The following RNMT variants were observed in gnomAD, a reference collection of about 807,000 sequenced individuals.
The protein encoded by RNMT is mRNA cap guanine-N(7) methyltransferase.
In RNMT, 27 loss-of-function variants were observed where a neutral mutation model predicts 56.0. That is an observed-to-expected ratio of 0.48 (90% CI 0.36 to 0.67). The LOEUF (loss-of-function observed/expected upper bound fraction) is 0.67. RNMT is among the 30% of genes least tolerant of loss of function. The pLI is 0.00. For missense variants in RNMT, 519 were observed against 552.1 expected, an observed-to-expected ratio of 0.94 and a Z score of 0.60; for synonymous variants, 184 against 176.2, an observed-to-expected ratio of 1.04 and a Z score of -0.35.
At position 13,761,844 on chromosome 18, in the gene RNMT, C is replaced by CG; in HGVS notation, c.*1865_*1866insG. 1 of 1,130,720 alleles carries CG rather than the reference C, an allele frequency of 8.8e-7. No individual in the cohort carries two copies. Among genetic ancestry groups the CG allele is most frequent in the Non-Finnish European group, 1.1e-6 (1 of 913,094 alleles). The allele number at this position is 1,130,720 out of a possible 1,614,324, so 70.0% of individuals were successfully genotyped here. ...TCAGTTCTTCCTCCACCACCCTACA[C>CG]CCCCCTCCCCCCGGCCCCAAGCCCC... On this transcript the variant is annotated 3_prime_UTR_variant, in exon 12 of 12. Coordinates refer to ENST00000383314, the MANE Select transcript of RNMT (RefSeq NM_003799.3).
At chr18:13,736,553 C>A (rs1477418684) in intron 4 of RNMT, among the ~76,000 whole-genome samples, 1 of 149,892 alleles carries the variant, frequency 6.7e-6, no homozygotes, top group Non-Finnish European at 1.5e-5. Context: ...CTTTGATAAT[C>A]AGGCTCTTTT....
rs1401292017 is a variant in RNMT at position 13,741,571 on chromosome 18, TTGTC to T, written c.859_862del (p.Cys287IlefsTer12). 6.2e-7 allele frequency: 1 copy of T among 1,613,892 alleles called. No individual in the cohort carries two copies. The highest frequency in any genetic ancestry group is 1.1e-5 in the South Asian group (1 of 91,046). Reference sequence around the variant, plus strand: ...TGTTTTGACATCTGCAGTTGTCAGTTTGTCTGTCATTACTCATTTGAGTCTTATG... The same window carrying T: ...TGTTTTGACATCTGCAGTTGTCAGTTTGTCATTACTCATTTGAGTCTTATG... On this transcript the variant is annotated frameshift_variant, in exon 7 of 12. Transcript: ENST00000383314. LOFTEE classifies it high-confidence loss of function.
At position 13,731,525 on chromosome 18, in the gene RNMT, A is replaced by G; in HGVS notation, c.8A>G (p.Asn3Ser). ...CAATTCAAGTAATCATAAATGGCAA[A>G]TTCTGCAAAAGCAGAAGAATATGAA... MA[N>S]SAKAEEYEKM... Residue 3 changes from asparagine (N) to serine (S), a missense_variant, in exon 3 of 12, where the codon AAT (asparagine) becomes AGT (serine). Asn to Ser is a conservative substitution (Grantham distance 46, BLOSUM62 1). Transcript: ENST00000383314. 1 of 1,586,750 alleles carries G rather than the reference A, an allele frequency of 6.3e-7. No individual in the cohort carries two copies.
chr18:13,741,787 ATC>A, intron 7 of RNMT, 96 bp downstream of exon 7: 1 of 783,314 alleles, frequency 1.3e-6, no homozygotes. Context: ...CGCTATTTTA[ATC>A]TTATAAGTGT....
At position 13,760,638 on chromosome 18, in the gene RNMT, T is replaced by C; in HGVS notation, c.*659T>C. 1 of 985,380 alleles carries C rather than the reference T, an allele frequency of 1.0e-6. No individual in the cohort carries two copies. The highest frequency in any genetic ancestry group is 1.2e-6 in the Non-Finnish European group (1 of 829,848). The allele number at this position is 985,380 out of a possible 1,614,324, so 61.0% of individuals were successfully genotyped here. A position where few individuals can be genotyped will look rare whatever the true frequency, so the allele number is the denominator to read the frequency against. ...ATTTTGGGGCTTTCTTTTCAGAAAT[T>C]GCTACCATAGTAATTAATGTTTCCA... On this transcript the variant is annotated 3_prime_UTR_variant, in exon 12 of 12. Coordinates refer to ENST00000383314, the MANE Select transcript of RNMT (RefSeq NM_003799.3).
chr18:13,734,144 C>G (rs944119900), intron 3 of RNMT, among the ~76,000 whole-genome samples: 10 of 152,186 alleles, frequency 6.6e-5, no homozygotes, highest in Non-Finnish European at 1.3e-4. Context: ...CATGTAAGAC[C>G]TGCCTTTCAC....
chr18:13,731,162 T>A (rs2044059606), intron 2 of RNMT, among the ~76,000 whole-genome samples: 1 of 152,138 alleles, frequency 6.6e-6, no homozygotes, highest in African/African-American at 2.4e-5. Flanking sequence ...ATCCCAGCAC[T>A]TTGGGAGGCC....
At chr18:13,759,876 C>T (rs2044598317) in intron 11 of RNMT, 66 bp from the exon 12 acceptor site, 16 of 1,409,958 alleles carry the variant, frequency 1.1e-5, no homozygotes, top group Middle Eastern at 1.8e-4. Context: ...AAATTATGAA[C>T]AAGACAGATT....
intron 9 of RNMT, among the ~76,000 whole-genome samples, chr18:13,748,433 G>C (rs1302321292): frequency 2.0e-5 from 3 of 152,222 alleles, no homozygotes; most frequent in Non-Finnish European, 4.4e-5. Flanking sequence ...TACTTGGGTG[G>C]CATAATGGGG....
At position 13,734,593 on chromosome 18, in the gene RNMT, C is replaced by T; in HGVS notation, c.547C>T (p.Leu183Phe). Reference protein sequence around the residue: ...RNFNNWMKSVLIGEFLEKVRQ... With the variant: ...RNFNNWMKSVFIGEFLEKVRQ... ...CTTTAATAATTGGATGAAAAGTGTT[C>T]TCATTGGTATGATCCAACACCAAGC... is the stretch of plus-strand genomic sequence containing the variant. The change falls in exon 4 of 12, where the codon CTC (leucine) becomes TTC (phenylalanine). Residue 183 changes from leucine (L) to phenylalanine (F), a missense_variant. By Grantham distance (22) the Leu-to-Phe change is conservative. Coordinates refer to ENST00000383314, the MANE Select transcript of RNMT (RefSeq NM_003799.3). 1.9e-6 allele frequency: 3 copies of T among 1,611,924 alleles called. No individual in the cohort carries two copies. The highest frequency in any genetic ancestry group is 2.5e-6 in the Non-Finnish European group (3 of 1,178,694).
In RNMT at chr18:13,731,594, CA is replaced by C. The variant is rs1568497236; in HGVS notation, c.78del (p.Glu27SerfsTer27). 6.2e-7 allele frequency: 1 copy of C among 1,613,630 alleles called. No individual in the cohort carries two copies. The highest frequency in any genetic ancestry group is 8.5e-7 in the Non-Finnish European group (1 of 1,179,862). Reference sequence around the variant, plus strand: ...GCAAAAGCGTCAGTGAATTCTGAAACAGAGTCTTCATTCAATATTAATGAAA... The same window carrying C: ...GCAAAAGCGTCAGTGAATTCTGAAACGAGTCTTCATTCAATATTAATGAAA... ...EQAKASVNSE[T>X]ESSFNINENT... is the part of the protein sequence containing the mutation. On this transcript the variant is annotated frameshift_variant, in exon 3 of 12. Transcript: ENST00000383314. LOFTEE classifies it high-confidence loss of function.
At chr18:13,742,855 T>TA in intron 8 of RNMT, 1 of 376,770 alleles carries the variant, frequency 2.7e-6, no homozygotes, top group Non-Finnish European at 4.6e-6. Context: ...ATAGGTCTCA[T>TA]AATAGCCTAA....
chr18:13,746,476 GAAACTGC>G, intron 9 of RNMT, 139 bp downstream of exon 9: 1 of 664,580 alleles, frequency 1.5e-6, no homozygotes, highest in South Asian at 1.7e-5. Flanking sequence ...GCTTGATACA[GAAACTGC>G]ATGGTGAGTG....
chr18:13,741,382 C>T, intron 6 of RNMT, 128 bp from the exon 7 acceptor site: 11 of 584,034 alleles, frequency 1.9e-5, no homozygotes, highest in South Asian at 7.7e-5. Context: ...TCTGTGTGTC[C>T]TTTATTGTAC....
intron 3 of RNMT, 58 bp downstream of exon 3, chr18:13,731,992 A>G (rs1362649869): frequency 4.4e-6 from 6 of 1,364,634 alleles, no homozygotes; most frequent in African/African-American, 1.5e-5. Flanking sequence ...GAAATGTGGA[A>G]CACCCGTGGA....
rs2044602648 is a variant in RNMT at position 13,760,207 on chromosome 18, A to G, written c.*228A>G. 8.0e-7 allele frequency: 1 copy of G among 1,245,664 alleles called. No individual in the cohort carries two copies. The highest frequency in any genetic ancestry group is 1.0e-6 in the Non-Finnish European group (1 of 993,194). 77.2% of individuals were successfully genotyped at this position (1,245,664 alleles called of 1,614,324 possible). A position where few individuals can be genotyped will look rare whatever the true frequency, so the allele number is the denominator to read the frequency against. ...CCTCTGTCTTTAAAAATCTATTTTT[A>G]GGTAATGTTCTAAGAATTCCATTTG... On this transcript the variant is annotated 3_prime_UTR_variant, in exon 12 of 12. Transcript: ENST00000383314.
At chr18:13,742,440 A>G (rs1163113559) in intron 7 of RNMT, 48 bp from the exon 8 acceptor site, 2 of 1,565,622 alleles carry the variant, frequency 1.3e-6, no homozygotes, top group Non-Finnish European at 1.8e-6. Flanking sequence ...AGTCTACACT[A>G]ATCACAATTT....
At chr18:13,750,540 C>T (rs1017012134) in intron 9 of RNMT, among the ~76,000 whole-genome samples, 2 of 151,914 alleles carry the variant, frequency 1.3e-5, no homozygotes, top group South Asian at 2.1e-4. Flanking sequence ...TGGTTCACAC[C>T]TGTGATCTCA....
At chr18:13,739,597 A>T (rs376968868) in intron 5 of RNMT, among the ~76,000 whole-genome samples, 1 of 152,206 alleles carries the variant, frequency 6.6e-6, no homozygotes, top group African/African-American at 2.4e-5. Context: ...AGCCTGGCCA[A>T]TGTGGTGAAA....
Sources: gnomAD v4.1 joint callset for allele counts (sites outside exome capture counted in the v4.1 genomes callset) on GRCh38, gnomAD v4.1.1 for gene constraint, MANE v1.5 for transcripts, NCBI Gene and HGNC (gene_info 2026-07-23, HGNC 2026-07-21) for gene names.